SUSD1: variants seen among roughly 807,000 people sequenced by gnomAD.
SUSD1 encodes the protein sushi domain-containing protein 1.
SUSD1 carries 65 observed loss-of-function variants against 86.9 expected under a neutral mutation model. The ratio of observed to expected loss-of-function variants is 0.75; its 90% CI spans 0.61 to 0.92. The LOEUF (loss-of-function observed/expected upper bound fraction) is 0.92. Ranked by LOEUF, SUSD1 falls within the 40% of genes least tolerant of loss-of-function variation. The probability of loss-of-function intolerance (pLI) is 0.00; values close to 1 mark genes in which losing one functional copy is unlikely to be tolerated. For missense variants in SUSD1, 850 were observed against 929.7 expected (o/e 0.91, Z 1.11); for synonymous variants, 346 against 350.0 (o/e 0.99, Z 0.13).
chr9:112,152,926 T>C (rs1393280061), intron 2 of SUSD1, among the ~76,000 whole-genome samples: 1 of 115,920 alleles, frequency 8.6e-6, no homozygotes, highest in Non-Finnish European at 1.8e-5. Context: ...GGCTAATTTT[T>C]TAATTGGAAA....
At chr9:112,086,465 G>A (rs1218885979) in intron 10 of SUSD1, among the ~76,000 whole-genome samples, 3 of 150,978 alleles carry the variant, frequency 2.0e-5, no homozygotes, top group Non-Finnish European at 4.4e-5. Context: ...GAGTAAGCTA[G>A]GTTCACTCCC....
intron 5 of SUSD1, among the ~76,000 whole-genome samples, chr9:112,141,504 C>T (rs796548936): frequency 1.5e-4 from 23 of 151,836 alleles, no homozygotes; most frequent in African/African-American, 5.6e-4. Flanking sequence ...CGGTGAAACC[C>T]CATCTTTACT....
chr9:112,170,747 T>C (rs1444448457), intron 1 of SUSD1, among the ~76,000 whole-genome samples: 3 of 143,606 alleles, frequency 2.1e-5, no homozygotes, highest in Non-Finnish European at 3.1e-5. Flanking sequence ...CCTTGCTCTG[T>C]CACCTAGGCT....
At position 112,142,136 on chromosome 9, in the gene SUSD1, T is replaced by C. The variant is rs561042104; in HGVS notation, c.706+184A>G. Among the ~76,000 whole-genome samples, 4 of 152,090 alleles carry C rather than the reference T, an allele frequency of 2.6e-5. No homozygotes were observed. In the South Asian group the frequency reaches 6.2e-4, roughly 24 times the overall value. On this transcript the variant is annotated intron_variant, in intron 5 of 16. Transcript: ENST00000374270. ...GAAAAATTTATGAATGGAATTATGA[T>C]TTGCAGATGATATGATACTATTCCT... is the stretch of plus-strand genomic sequence containing the variant.
intron 10 of SUSD1, among the ~76,000 whole-genome samples, chr9:112,098,182 G>A (rs1830477804): frequency 6.6e-6 from 1 of 152,100 alleles, no homozygotes; most frequent in Non-Finnish European, 1.5e-5. Context: ...TTAAATTTGG[G>A]GTGAGAGATA....
intron 1 of SUSD1, among the ~76,000 whole-genome samples, chr9:112,165,407 CTTTT>C (rs34075174): frequency 8.4e-6 from 1 of 119,470 alleles, no homozygotes; most frequent in Admixed American, 9.3e-5. Flanking sequence ...GTCTTTGACA[CTTTT>C]TTTTTTTTTT....
chr9:112,140,338 C>G (rs557274606), intron 5 of SUSD1, among the ~76,000 whole-genome samples: 1 of 141,294 alleles, frequency 7.1e-6, no homozygotes, highest in Non-Finnish European at 1.5e-5. Context: ...GTCCGCAGTC[C>G]GGCCTGGGCG....
At chr9:112,120,438 A>C (rs951498185) in intron 6 of SUSD1, among the ~76,000 whole-genome samples, 2 of 152,196 alleles carry the variant, frequency 1.3e-5, no homozygotes, top group Non-Finnish European at 2.9e-5. Context: ...CTCTCACTAC[A>C]TTACCAGAAG....
At chr9:112,119,937 GAACTA>G (rs1248764523) in intron 6 of SUSD1, among the ~76,000 whole-genome samples, 1 of 152,126 alleles carries the variant, frequency 6.6e-6, no homozygotes, top group African/African-American at 2.4e-5. Flanking sequence ...ACCCAGTTTG[GAACTA>G]AACAGGAAGA....
chr9:112,131,297 C>G (rs565852323), intron 5 of SUSD1, among the ~76,000 whole-genome samples: 1 of 152,290 alleles, frequency 6.6e-6, no homozygotes, highest in East Asian at 1.9e-4. Flanking sequence ...GAAAACGTTG[C>G]CTGAATAAGC....
chr9:112,112,841 G>A lies in SUSD1; in HGVS notation c.914C>T (p.Ser305Leu). The change falls in exon 7 of 17, where the codon TCA becomes TTA. Residue 305 changes from serine (S) to leucine (L), a missense_variant. Physicochemically the swap from Ser to Leu is moderately radical, Grantham distance 145. Coordinates refer to ENST00000374270, the MANE Select transcript of SUSD1 (RefSeq NM_022486.5). ...TCTCACACAGGTATCATTAAACAGT[G>A]ATACATCATTAATCTTTGTCAGAAT... ...TEILTKINDV[S>L]LFNDTCVRWQ... 1 of 1,612,606 alleles carries A rather than the reference G, an allele frequency of 6.2e-7. No individual in the cohort carries two copies. Among genetic ancestry groups the A allele is most frequent in the South Asian group, 1.1e-5 (1 of 91,042 alleles).
At chr9:112,085,372 G>C (rs1829934329) in intron 10 of SUSD1, among the ~76,000 whole-genome samples, 1 of 152,172 alleles carries the variant, frequency 6.6e-6, no homozygotes, top group Non-Finnish European at 1.5e-5. Flanking sequence ...GTCAGGTATT[G>C]TGCTGTTTCT....
At chr9:112,165,090 T>A (rs932718153) in intron 1 of SUSD1, among the ~76,000 whole-genome samples, 1 of 152,244 alleles carries the variant, frequency 6.6e-6, no homozygotes, top group Non-Finnish European at 1.5e-5. Context: ...ACATTTTGAG[T>A]AGCAGAGGAT....
chr9:112,166,828 C>T lies in SUSD1; in HGVS notation c.103+8305G>A, dbSNP rs149544161. On this transcript the variant is annotated intron_variant, in intron 1 of 16. Transcript: ENST00000374270. Reference sequence around the variant, plus strand: ...GAATGACTGCAGAGGTGAGGGACCCCGAGGGATGTCTAGAATTACTGGCAG... The same window carrying T: ...GAATGACTGCAGAGGTGAGGGACCCTGAGGGATGTCTAGAATTACTGGCAG... Among the ~76,000 whole-genome samples, 4 of 152,114 alleles carry T rather than the reference C, an allele frequency of 2.6e-5. No individual in the cohort carries two copies. In the East Asian group the frequency reaches 7.7e-4, roughly 29 times the overall value.
intron 10 of SUSD1, among the ~76,000 whole-genome samples, chr9:112,083,822 A>C (rs1349812647): frequency 6.6e-6 from 1 of 152,090 alleles, no homozygotes; most frequent in Non-Finnish European, 1.5e-5. Context: ...TGTTTCCAGA[A>C]CTTTCTCGCC....
At position 112,115,814 on chromosome 9, in the gene SUSD1, A is replaced by AAAAAG. The variant is rs1554766260; in HGVS notation, c.887-2947_887-2946insCTTTT. On this transcript the variant is annotated intron_variant, in intron 6 of 16. Coordinates refer to ENST00000374270, the MANE Select transcript of SUSD1 (RefSeq NM_022486.5). The stretch of plus-strand genomic sequence containing the variant: ...GCAGAATGAGACTCCATTGCAAAAA[A>AAAAAG]AAAAAAAAAGAAAAAAAAAAGAAAA... Among the ~76,000 whole-genome samples the AAAAAG allele has an allele frequency of 5.5e-3, 105 of 19,248 alleles. 2 individuals carry two copies. The highest frequency in any genetic ancestry group is 0.034 in the East Asian group (12 of 356). The allele number at this position is 19,248 out of a possible 152,430, so 12.6% of individuals were successfully genotyped here.
At chr9:112,128,142 G>C (rs956232820) in intron 5 of SUSD1, among the ~76,000 whole-genome samples, 1 of 151,950 alleles carries the variant, frequency 6.6e-6, no homozygotes, top group African/African-American at 2.4e-5. Context: ...GCCCAGGCTG[G>C]AGTGCAGTGG....
At chr9:112,089,478 C>A (rs1415181586) in intron 10 of SUSD1, among the ~76,000 whole-genome samples, 1 of 152,072 alleles carries the variant, frequency 6.6e-6, no homozygotes, top group African/African-American at 2.4e-5. Context: ...ATAGTACAAC[C>A]ACCTTTGTAA....
At chr9:112,128,213 C>G (rs1169221994) in intron 5 of SUSD1, among the ~76,000 whole-genome samples, 1 of 152,132 alleles carries the variant, frequency 6.6e-6, no homozygotes, top group Non-Finnish European at 1.5e-5. Flanking sequence ...ATGCCTCAGC[C>G]TCCCAAGTAG....
Sources: gnomAD v4.1 joint callset for allele counts (sites outside exome capture counted in the v4.1 genomes callset) on GRCh38, gnomAD v4.1.1 for gene constraint, MANE v1.5 for transcripts, NCBI Gene and HGNC (gene_info 2026-07-23, HGNC 2026-07-21) for gene names.